Variants in DST observed in about 807,000 individuals in gnomAD.
DST encodes the protein dystonin.
In DST, 253 loss-of-function variants were observed where a neutral mutation model predicts 875.2. The ratio of observed to expected loss-of-function variants is 0.29; its 90% CI spans 0.26 to 0.32. The LOEUF (loss-of-function observed/expected upper bound fraction) is 0.32. DST is among the 10% of genes least tolerant of loss of function. The pLI is 1.00. For synonymous variants in DST, 3,124 were observed against 3,197.1 expected (o/e 0.98, Z 0.77); for missense variants, 8,287 against 9,111.6 (o/e 0.91, Z 3.68).
chr6:56,535,548 G>C (rs571709748), intron 62 of DST, among the ~76,000 whole-genome samples: 1 of 152,240 alleles, frequency 6.6e-6, no homozygotes, highest in South Asian at 2.1e-4. Flanking sequence ...TTTTTGGATT[G>C]TCTAATACGT....
chr6:56,652,729 C>T (rs2098983610), intron 10 of DST, among the ~76,000 whole-genome samples: 1 of 152,168 alleles, frequency 6.6e-6, no homozygotes, highest in Non-Finnish European at 1.5e-5. Context: ...GTTACCATCA[C>T]CTACATGCTC....
At chr6:56,739,301 G>A (rs765888787) in intron 4 of DST, among the ~76,000 whole-genome samples, 4 of 151,632 alleles carry the variant, frequency 2.6e-5, no homozygotes, top group South Asian at 2.1e-4. Context: ...AATGTCTTTC[G>A]GCCTTGCTAT....
In DST at chr6:56,827,282, G is replaced by C. The variant is rs571149025; in HGVS notation, c.625+24115C>G. Among the ~76,000 whole-genome samples, 5 of 152,190 alleles carry C rather than the reference G, an allele frequency of 3.3e-5. No homozygotes were observed. In the East Asian group the frequency reaches 7.7e-4, roughly 24 times the overall value. On this transcript the variant is annotated intron_variant, in intron 4 of 103. Coordinates refer to ENST00000680361, the MANE Select transcript of DST (RefSeq NM_001374736.1). ...TGTAATCCCAGCACTTTGGGAGGCC[G>C]AGGCGGGTGGATCACCAGGTCAAGA...
chr6:56,867,531 G>A (rs1285695177), intron 3 of DST, among the ~76,000 whole-genome samples: 1 of 152,144 alleles, frequency 6.6e-6, no homozygotes, highest in African/African-American at 2.4e-5. Context: ...TTTATAAAAA[G>A]CAGGGCTTGG....
intron 4 of DST, among the ~76,000 whole-genome samples, chr6:56,772,499 G>A (rs1299598853): frequency 1.3e-5 from 2 of 152,184 alleles, no homozygotes; most frequent in Non-Finnish European, 2.9e-5. Flanking sequence ...TTCCGATCAA[G>A]TCATTATCTT....
intron 9 of DST, among the ~76,000 whole-genome samples, chr6:56,679,480 T>C (rs2099146436): frequency 2.0e-5 from 3 of 151,802 alleles, no homozygotes; most frequent in Non-Finnish European, 4.4e-5. Context: ...ATTTACTATT[T>C]GGCTGGGTGT....
chr6:56,494,313 C>T, intron 82 of DST, 133 bp from the exon 83 acceptor site: 2 of 696,864 alleles, frequency 2.9e-6, no homozygotes, highest in Non-Finnish European at 4.4e-6. Flanking sequence ...AACCTTGACG[C>T]ATTTATACTT....
At chr6:56,554,391 T>C (rs560486206) in intron 60 of DST, among the ~76,000 whole-genome samples, 1 of 152,270 alleles carries the variant, frequency 6.6e-6, no homozygotes, top group East Asian at 1.9e-4. Context: ...GCCACGTCTA[T>C]GACTTTTACA....
chr6:56,530,121 C>T lies in DST; in HGVS notation c.17121G>A (p.Leu5707=). The part of the protein sequence containing the change: ...LNKAETRNRQ[L]EGISVVAQQF... The stretch of plus-strand genomic sequence containing the variant: ...GCTGTGCTACCACCGAGATACCTTC[C>T]AACTGACGATTCCTACAAATGTGCC... Residue 5707 remains leucine, a synonymous_variant, in exon 65 of 104, where the codon TTG becomes TTA. Transcript: ENST00000680361. 1 of 1,591,222 alleles carries T rather than the reference C, an allele frequency of 6.3e-7. No individual in the cohort carries two copies.
intron 36 of DST, chr6:56,618,241 T>C (rs770068579): frequency 2.5e-6 from 4 of 1,614,178 alleles, no homozygotes; most frequent in Non-Finnish European, 3.4e-6. Flanking sequence ...TGGGTATCTG[T>C]TCAACAACCC....
chr6:56,692,457 A>T (rs1029658701), intron 9 of DST: 1 of 1,288,828 alleles, frequency 7.8e-7, no homozygotes, highest in East Asian at 5.6e-5. Flanking sequence ...TCTTTTTTTT[A>T]AACTGAAAAT....
intron 4 of DST, among the ~76,000 whole-genome samples, chr6:56,750,746 T>C (rs961417494): frequency 2.0e-5 from 3 of 151,926 alleles, no homozygotes; most frequent in African/African-American, 7.3e-5. Flanking sequence ...ACTGAGGAAG[T>C]TTTCCTAATA....
At chr6:56,495,973 A>G (rs2095887792) in intron 82 of DST, among the ~76,000 whole-genome samples, 1 of 152,126 alleles carries the variant, frequency 6.6e-6, no homozygotes, top group South Asian at 2.1e-4. Flanking sequence ...TTAAGATCTT[A>G]CAACAACATT....
chr6:56,852,567 G>A (rs1239678846), intron 3 of DST, among the ~76,000 whole-genome samples: 21 of 152,322 alleles, frequency 1.4e-4, no homozygotes, highest in Non-Finnish European at 4.4e-5. Context: ...GGCACAAGAT[G>A]TTATTCCTTC....
At chr6:56,877,758 A>C (rs546994352) in intron 3 of DST, among the ~76,000 whole-genome samples, 81 of 152,356 alleles carry the variant, frequency 5.3e-4, no homozygotes, top group Non-Finnish European at 8.8e-4. Flanking sequence ...TCCTAAAGGA[A>C]AGTGTTGGAA....
intron 9 of DST, among the ~76,000 whole-genome samples, chr6:56,678,253 C>T (rs1055708242): frequency 2.2e-4 from 34 of 152,330 alleles, no homozygotes; most frequent in African/African-American, 7.7e-4. Flanking sequence ...GCCAGTCATA[C>T]ACCTACATCC....
chr6:56,869,428 T>A (rs922075863), intron 3 of DST, among the ~76,000 whole-genome samples: 11 of 152,064 alleles, frequency 7.2e-5, no homozygotes, highest in African/African-American at 2.7e-4. Flanking sequence ...TAGGACGACC[T>A]GCTCAGGGGA....
intron 4 of DST, among the ~76,000 whole-genome samples, chr6:56,849,481 G>GCCACCAACT (rs1763903971): frequency 6.6e-6 from 1 of 152,048 alleles, no homozygotes; most frequent in African/African-American, 2.4e-5. Flanking sequence ...TGCATCACCT[G>GCCACCAACT]CCACCAACTT....
chr6:56,583,154 C>A (rs1313067691), intron 49 of DST, among the ~76,000 whole-genome samples: 1 of 152,196 alleles, frequency 6.6e-6, no homozygotes, highest in Non-Finnish European at 1.5e-5. Context: ...AGTTCTAGAT[C>A]CCTGAGGAAT....
Sources: allele counts gnomAD v4.1 joint callset (sites outside exome capture counted in the v4.1 genomes callset), GRCh38; gene constraint gnomAD v4.1.1; transcripts MANE v1.5; gene names NCBI Gene and HGNC (gene_info 2026-07-23, HGNC 2026-07-21).